Variants in GFOD1 observed in about 807,000 individuals in gnomAD.
GFOD1 encodes glucose-fructose oxidoreductase domain-containing protein 1.
A neutral mutation model predicts 25.4 loss-of-function variants in GFOD1; 9 were observed. The ratio of observed to expected loss-of-function variants is 0.35; its 90% CI spans 0.21 to 0.62. GFOD1 has a LOEUF of 0.62. Ranked by LOEUF, GFOD1 falls within the 20% of genes least tolerant of loss-of-function variation. The probability of loss-of-function intolerance (pLI) is 0.72; values close to 1 mark genes in which losing one functional copy is unlikely to be tolerated. For missense variants in GFOD1, 403 were observed against 556.9 expected (o/e 0.72, Z 2.78); for synonymous variants, 253 against 245.6 (o/e 1.03, Z -0.28).
intron 1 of GFOD1, among the ~76,000 whole-genome samples, chr6:13,391,370 C>T (rs1003567137): frequency 1.3e-5 from 2 of 151,924 alleles, no homozygotes; most frequent in Middle Eastern, 3.4e-3. Context: ...CAGTGGTGGG[C>T]GCCTGTAATC....
At chr6:13,424,828 T>C (rs1029063370) in intron 1 of GFOD1, among the ~76,000 whole-genome samples, 2 of 152,140 alleles carry the variant, frequency 1.3e-5, no homozygotes, top group Non-Finnish European at 2.9e-5. Flanking sequence ...GAACTTCTCA[T>C]GAGGGGACAA....
At chr6:13,422,372 C>T (rs1377316119) in intron 1 of GFOD1, among the ~76,000 whole-genome samples, 1 of 152,114 alleles carries the variant, frequency 6.6e-6, no homozygotes, top group African/African-American at 2.4e-5. Flanking sequence ...GGCTTGAGAC[C>T]CCATCCACCC....
chr6:13,486,922 C>T lies in GFOD1; in HGVS notation c.-32G>A. The T allele has an allele frequency of 6.3e-7, 1 of 1,595,984 alleles. No individual in the cohort carries two copies. The highest frequency in any genetic ancestry group is 8.5e-7 in the Non-Finnish European group (1 of 1,176,234). ...TCAGAGCCGCCTGGTTCTGCTTCTG[C>T]TCGGATCTCCAGTCCAACGCGCGCA... is the stretch of plus-strand genomic sequence containing the variant. On this transcript the variant is annotated 5_prime_UTR_variant, in exon 1 of 2. Transcript: ENST00000379287.
intron 1 of GFOD1, among the ~76,000 whole-genome samples, chr6:13,454,234 C>T (rs1758148720): frequency 6.6e-6 from 1 of 152,168 alleles, no homozygotes; most frequent in African/African-American, 2.4e-5. Context: ...GGAACCAGCC[C>T]TGCCCACACC....
At chr6:13,431,474 G>A (rs1013615237) in intron 1 of GFOD1, among the ~76,000 whole-genome samples, 12 of 152,128 alleles carry the variant, frequency 7.9e-5, no homozygotes, top group African/African-American at 2.4e-4. Context: ...AGGTTCATTT[G>A]GACTTTCAGT....
chr6:13,409,151 G>GAAAGA (rs751020501), intron 1 of GFOD1, among the ~76,000 whole-genome samples: 1 of 64,548 alleles, frequency 1.5e-5, no homozygotes, highest in African/African-American at 7.5e-5. Context: ...GAAAGAAAGA[G>GAAAGA]AGGAAAGAAA....
intron 1 of GFOD1, chr6:13,470,177 C>T (rs777363401): frequency 6.4e-7 from 1 of 1,554,326 alleles, no homozygotes; most frequent in South Asian, 1.1e-5. Context: ...TCCCCAGCAC[C>T]TGCGCGCGAT....
At chr6:13,427,911 G>A (rs1179096317) in intron 1 of GFOD1, among the ~76,000 whole-genome samples, 1 of 152,102 alleles carries the variant, frequency 6.6e-6, no homozygotes, top group Admixed American at 6.5e-5. Flanking sequence ...GCCACCAAGC[G>A]TGGGAAGGAA....
chr6:13,485,121 G>A (rs1271757234), intron 1 of GFOD1, among the ~76,000 whole-genome samples: 1 of 152,184 alleles, frequency 6.6e-6, no homozygotes, highest in African/African-American at 2.4e-5. Flanking sequence ...GCCACAAAGG[G>A]CAGACACTTA....
At chr6:13,449,487 T>C (rs564278563) in intron 1 of GFOD1, among the ~76,000 whole-genome samples, 1 of 152,208 alleles carries the variant, frequency 6.6e-6, no homozygotes, top group Admixed American at 6.5e-5. Flanking sequence ...GTGGTTTCTA[T>C]TCAAAGCTCA....
At chr6:13,420,772 G>A (rs150032961) in intron 1 of GFOD1, among the ~76,000 whole-genome samples, 2 of 152,334 alleles carry the variant, frequency 1.3e-5, no homozygotes, top group African/African-American at 4.8e-5. Context: ...CCGGGTCTTT[G>A]AGAGGACATA....
At chr6:13,375,750 C>CT (rs1785243240) in intron 1 of GFOD1, among the ~76,000 whole-genome samples, 1 of 152,214 alleles carries the variant, frequency 6.6e-6, no homozygotes, top group Non-Finnish European at 1.5e-5. Context: ...AGCCTGTTGC[C>CT]TGGGCCCTCT....
At chr6:13,409,141 GAAA>G (rs1786008025) in intron 1 of GFOD1, among the ~76,000 whole-genome samples, 1 of 25,332 alleles carries the variant, frequency 3.9e-5, no homozygotes, top group African/African-American at 7.2e-5. Flanking sequence ...AAGAAAGAAA[GAAA>G]GAAAGAGAGG....
Position 13,365,539 on chromosome 6 carries a change from G to A in GFOD1, c.377C>T (p.Pro126Leu), listed in dbSNP as rs757177243. ...CAGCTGCTTCATGCGCACGAAAGCC[G>A]GCAGGAAGCGCAGCACGTTGCCCAT... ...SIMGNVLRFL[P>L]AFVRMKQLIE... The change falls in exon 2 of 2, where the codon CCG (proline) becomes CTG (leucine). Residue 126 changes from proline to leucine, a missense_variant. Physicochemically the swap from Pro to Leu is moderately conservative, Grantham distance 98. Transcript: ENST00000379287. This position sits in a 1 kb window ranked among gnomAD's most constrained non-coding sequence, Gnocchi z 9.2. 7 of 1,611,912 alleles carry A rather than the reference G, an allele frequency of 4.3e-6. No individual in the cohort carries two copies. The highest frequency in any genetic ancestry group is 5.1e-6 in the Non-Finnish European group (6 of 1,179,972).
intron 1 of GFOD1, among the ~76,000 whole-genome samples, chr6:13,378,512 A>G (rs1785298533): frequency 6.6e-6 from 1 of 152,240 alleles, no homozygotes; most frequent in Non-Finnish European, 1.5e-5. Flanking sequence ...TGGTTGCTCC[A>G]TATCCATGGC....
At chr6:13,382,673 T>C in intron 1 of GFOD1, among the ~76,000 whole-genome samples, 1 of 152,224 alleles carries the variant, frequency 6.6e-6, no homozygotes, top group East Asian at 1.9e-4. Flanking sequence ...AAAAATTTTA[T>C]TTTAAGTTCC....
At chr6:13,412,250 G>C (rs1786089567) in intron 1 of GFOD1, among the ~76,000 whole-genome samples, 1 of 152,166 alleles carries the variant, frequency 6.6e-6, no homozygotes. Context: ...GTTAAGAGGA[G>C]GTCATTGGAG....
At chr6:13,387,443 G>A (rs369091137) in intron 1 of GFOD1, among the ~76,000 whole-genome samples, 13 of 152,134 alleles carry the variant, frequency 8.5e-5, no homozygotes, top group African/African-American at 2.2e-4. Flanking sequence ...TTCATCCCTC[G>A]GATGCAAGGC....
At chr6:13,415,219 T>TA (rs1280337795) in intron 1 of GFOD1, among the ~76,000 whole-genome samples, 1 of 152,162 alleles carries the variant, frequency 6.6e-6, no homozygotes, top group Non-Finnish European at 1.5e-5. Context: ...CAGGTCCTCC[T>TA]AAAGCCAATC....
Sources: allele counts gnomAD v4.1 joint callset (sites outside exome capture counted in the v4.1 genomes callset), GRCh38; gene constraint gnomAD v4.1.1; non-coding constraint Gnocchi (gnomAD v3.1); transcripts MANE v1.5; gene names NCBI Gene and HGNC (gene_info 2026-07-23, HGNC 2026-07-21).